Variants in DYNC2I1 observed in about 807,000 individuals in gnomAD.
DYNC2I1 encodes cytoplasmic dynein 2 intermediate chain 1.
DYNC2I1 carries 89 observed loss-of-function variants against 133.4 expected under a neutral mutation model. The observed-to-expected ratio is 0.67, with a 90% confidence interval of 0.56 to 0.80. The LOEUF is 0.80. Among genes scored for constraint, DYNC2I1 ranks in the 30% least tolerant of loss-of-function variants. DYNC2I1 has a pLI of 0.00. For synonymous variants in DYNC2I1, 504 were observed against 484.3 expected (o/e 1.04, Z -0.54); for missense variants, 1,291 against 1,314.5 (o/e 0.98, Z 0.28).
chr7:158,884,542 G>C, intron 5 of DYNC2I1, 22 bp from the exon 6 acceptor site: 1 of 1,606,402 alleles, frequency 6.2e-7, no homozygotes, highest in Non-Finnish European at 8.5e-7. Context: ...AATGGTTATG[G>C]GATTATATTT....
Position 158,902,537 on chromosome 7 carries a change from A to G in DYNC2I1, c.1299A>G (p.Leu433=), listed in dbSNP as rs1298645930. Residue 433 remains leucine, a synonymous_variant, in exon 10 of 25, where the codon TTA becomes TTG. Coordinates refer to ENST00000407559, the MANE Select transcript of DYNC2I1 (RefSeq NM_018051.5). ...INAENERIGE[L]SLKLFQKRGR... ...CAGAAAATGAAAGGATTGGCGAGTTATCTTTGAAACTGTTTCAGAAGCGAG... is the reference window on the plus strand; with the variant it reads ...CAGAAAATGAAAGGATTGGCGAGTTGTCTTTGAAACTGTTTCAGAAGCGAG... The G allele has an allele frequency of 9.9e-6, 16 of 1,614,074 alleles. No individual in the cohort carries two copies. Among genetic ancestry groups the G allele is most frequent in the Non-Finnish European group, 1.4e-5 (16 of 1,179,890 alleles).
At chr7:158,874,078 A>G (rs115022528) in intron 3 of DYNC2I1, among the ~76,000 whole-genome samples, 1,520 of 151,712 alleles carry the variant, frequency 0.01, 29 homozygotes, top group African/African-American at 0.034. Context: ...ATAATTAAAA[A>G]AAATTGTTTG....
intron 1 of DYNC2I1, among the ~76,000 whole-genome samples, chr7:158,865,018 C>T (rs1842277375): frequency 6.6e-6 from 1 of 152,192 alleles, no homozygotes; most frequent in South Asian, 2.1e-4. Flanking sequence ...GAACAATGAG[C>T]GTCAGGTCCA....
At chr7:158,947,513 G>A (rs1164971305), downstream of DYNC2I1, among the ~76,000 whole-genome samples, 1 of 152,192 alleles carries the variant, frequency 6.6e-6, no homozygotes, top group African/African-American at 2.4e-5. Context: ...TGACTCCTTT[G>A]TAACCTGGGA....
intron 1 of DYNC2I1, among the ~76,000 whole-genome samples, chr7:158,860,469 G>C (rs926949013): frequency 6.6e-6 from 1 of 152,058 alleles, no homozygotes; most frequent in Non-Finnish European, 1.5e-5. Context: ...TTCTTTATTT[G>C]TACTGAGATC....
chr7:158,934,510 T>C lies in DYNC2I1; in HGVS notation c.2739T>C (p.Asn913=), dbSNP rs1412840120. ...QQHGIRPVKV[N]VIDFSPFGEP... ...ATGGTATAAGACCAGTGAAAGTTAATGTCATTGATTTTTCACCATTTGGAG... is the reference window on the plus strand; with the variant it reads ...ATGGTATAAGACCAGTGAAAGTTAACGTCATTGATTTTTCACCATTTGGAG... Residue 913 remains asparagine, a synonymous_variant, in exon 23 of 25, where the codon AAT becomes AAC. Transcript: ENST00000407559. 13 of 1,561,854 alleles carry C rather than the reference T, an allele frequency of 8.3e-6. No homozygotes were observed. The highest frequency in any genetic ancestry group is 1.4e-5 in the African/African-American group (1 of 73,594).
the DYNC2I1 span, among the ~76,000 whole-genome samples, chr7:158,843,017 A>C: frequency 5.9e-5 from 9 of 152,380 alleles, no homozygotes; most frequent in African/African-American, 1.9e-4. Context: ...TAACATCCAC[A>C]TACTGGAGCA....
At chr7:158,878,708 G>A (rs1843655974) in intron 4 of DYNC2I1, among the ~76,000 whole-genome samples, 1 of 146,512 alleles carries the variant, frequency 6.8e-6, no homozygotes. Flanking sequence ...TGGGCACCAT[G>A]TGGGGAGGCG....
At chr7:158,924,085 G>T (rs1849374235) in intron 17 of DYNC2I1, among the ~76,000 whole-genome samples, 1 of 152,190 alleles carries the variant, frequency 6.6e-6, no homozygotes, top group Admixed American at 6.5e-5. Flanking sequence ...CACCCTGAGG[G>T]CTGCCAGGAA....
chr7:158,942,905 C>T (rs1012446105), intron 24 of DYNC2I1, among the ~76,000 whole-genome samples: 1 of 152,200 alleles, frequency 6.6e-6, no homozygotes, highest in Non-Finnish European at 1.5e-5. Context: ...GGTAGTTCTT[C>T]GTTGCTTTGT....
chr7:158,860,880 TGAATGTTTTAGAGTAGC>T (rs916447132), intron 1 of DYNC2I1, among the ~76,000 whole-genome samples: 5 of 152,242 alleles, frequency 3.3e-5, no homozygotes, highest in African/African-American at 1.2e-4. Context: ...TTAGAAAGGC[TGAATGTTTTAGAGTAGC>T]TACAGTGGGG....
downstream of DYNC2I1, among the ~76,000 whole-genome samples, chr7:158,947,471 A>C (rs757432367): frequency 3.9e-5 from 6 of 152,186 alleles, no homozygotes; most frequent in Non-Finnish European, 8.8e-5. Context: ...ATTCTCAGCT[A>C]TCATCTGCAG....
Position 158,930,425 on chromosome 7 carries a change from G to T in DYNC2I1, c.2486-30G>T, listed in dbSNP as rs190083085. ...ATTTTGATTTAGCTTCTATTGAAAGGTGCATTGATTTTGGTTCATCTCTTT... is the reference window on the plus strand; with the variant it reads ...ATTTTGATTTAGCTTCTATTGAAAGTTGCATTGATTTTGGTTCATCTCTTT... On this transcript the variant is annotated intron_variant, in intron 20 of 24. Transcript: ENST00000407559. 77 of 1,593,632 alleles carry T rather than the reference G, an allele frequency of 4.8e-5. No individual in the cohort carries two copies. In the East Asian group the frequency reaches 1.6e-3, roughly 33 times the overall value.
chr7:158,864,070 C>T (rs1318254973), intron 1 of DYNC2I1, among the ~76,000 whole-genome samples: 2 of 92,212 alleles, frequency 2.2e-5, no homozygotes, highest in South Asian at 4.0e-4. Context: ...CCTTAGCTCC[C>T]GGTGTGTGTG....
At chr7:158,876,962 G>T (rs1460038441) in intron 4 of DYNC2I1, among the ~76,000 whole-genome samples, 1 of 152,186 alleles carries the variant, frequency 6.6e-6, no homozygotes, top group Non-Finnish European at 1.5e-5. Flanking sequence ...TCACCCACAG[G>T]TAAGTATTGA....
chr7:158,890,486 A>T (rs1245349675), intron 7 of DYNC2I1, among the ~76,000 whole-genome samples: 2 of 152,152 alleles, frequency 1.3e-5, no homozygotes, highest in East Asian at 3.8e-4. Flanking sequence ...AGTGCCTGCT[A>T]TGTGCCAGAA....
chr7:158,847,326 T>C, the DYNC2I1 span, among the ~76,000 whole-genome samples: 4 of 152,206 alleles, frequency 2.6e-5, no homozygotes, highest in East Asian at 7.7e-4. Flanking sequence ...TGCATTTTTT[T>C]CTAGTTTAGA....
At chr7:158,923,048 A>G (rs1262814740) in intron 16 of DYNC2I1, among the ~76,000 whole-genome samples, 4 of 152,168 alleles carry the variant, frequency 2.6e-5, no homozygotes, top group African/African-American at 7.2e-5. Flanking sequence ...ACCGCCCAGG[A>G]GGCTGGCACC....
intron 10 of DYNC2I1, chr7:158,905,071 G>A (rs1373969086): frequency 1.7e-5 from 7 of 409,054 alleles, no homozygotes; most frequent in African/African-American, 1.3e-4. Flanking sequence ...GGAAGAGGTG[G>A]ATTGAGGAAT....
Sources: allele counts gnomAD v4.1 joint callset (sites outside exome capture counted in the v4.1 genomes callset), GRCh38; gene constraint gnomAD v4.1.1; transcripts MANE v1.5; gene names NCBI Gene and HGNC (gene_info 2026-07-23, HGNC 2026-07-21).